KRT18: variants seen among roughly 807,000 people sequenced by gnomAD.
KRT18 encodes the protein keratin, type I cytoskeletal 18.
In KRT18, 8 loss-of-function variants were observed where a neutral mutation model predicts 39.9. The ratio of observed to expected loss-of-function variants is 0.20; its 90% CI spans 0.12 to 0.36. The LOEUF is 0.36. KRT18 is among the 10% of genes least tolerant of loss of function. The pLI is 1.00. For missense variants in KRT18, 396 were observed against 565.7 expected (o/e 0.70, Z 3.04); for synonymous variants, 194 against 227.8 (o/e 0.85, Z 1.33).
In KRT18 at chr12:52,949,317, G is replaced by C; in HGVS notation, c.144G>C (p.Val48=). The C allele has an allele frequency of 6.2e-7, 1 of 1,610,422 alleles. No homozygotes were observed. Among genetic ancestry groups the C allele is most frequent in the Non-Finnish European group, 8.5e-7 (1 of 1,179,776 alleles). ...GAGGSGSRIS[V]SRSTSFRGGM... ...GGGGCTCTGGTTCCCGGATCTCCGT[G>C]TCCCGCTCCACCAGCTTCAGGGGCG... The change falls in exon 1 of 7, where the codon GTG becomes GTC. Residue 48 remains valine, a synonymous_variant. Transcript: ENST00000388835.
chr12:52,951,347 C>T (rs1942484370), intron 3 of KRT18, 134 bp from the exon 4 acceptor site: 4 of 902,938 alleles, frequency 4.4e-6, no homozygotes, highest in Non-Finnish European at 7.4e-6. Flanking sequence ...CTGGCATTGC[C>T]CTGAGTGCAA....
intron 6 of KRT18, 122 bp downstream of exon 6, chr12:52,952,464 C>A: frequency 1.2e-6 from 1 of 809,206 alleles, no homozygotes; most frequent in Non-Finnish European, 2.1e-6. Context: ...TGGGCCGTTG[C>A]TCCGTGGGTG....
At chr12:52,951,404 A>C in intron 3 of KRT18, 77 bp from the exon 4 acceptor site, 1 of 1,396,548 alleles carries the variant, frequency 7.2e-7, no homozygotes. Flanking sequence ...GCCTCCTAGA[A>C]GAGGCAATCA....
At chr12:52,950,198 C>T (rs898607430) in intron 1 of KRT18, 130 bp from the exon 2 acceptor site, 6 of 776,664 alleles carry the variant, frequency 7.7e-6, no homozygotes, top group African/African-American at 3.4e-5. Context: ...GGATAGGTGT[C>T]CAGGGAGAGC....
chr12:52,950,349 A>G lies in KRT18; in HGVS notation c.439A>G (p.Asn147Asp). Residue 147 changes from asparagine (N) to aspartate (D), a missense_variant, in exon 2 of 7, where the codon AAT becomes GAT. Physicochemically the swap from Asn to Asp is conservative, Grantham distance 23. Coordinates refer to ENST00000388835, the MANE Select transcript of KRT18 (RefSeq NM_000224.3). ...CCAGATCTTCGCAAATACTGTGGAC[A>G]ATGCCCGCATCGTTCTGCAGATTGA... is the stretch of plus-strand genomic sequence containing the variant. ...RAQIFANTVD[N>D]ARIVLQIDNA... The G allele has an allele frequency of 6.2e-7, 1 of 1,613,322 alleles. No homozygotes were observed. The highest frequency in any genetic ancestry group is 1.7e-5 in the Admixed American group (1 of 60,022).
At chr12:52,951,891 T>C in intron 5 of KRT18, 35 bp downstream of exon 5, 1 of 1,603,576 alleles carries the variant, frequency 6.2e-7, no homozygotes, top group African/African-American at 1.3e-5. Flanking sequence ...CAGCTCCTCC[T>C]TCACTTGGCC....
upstream of KRT18, chr12:52,949,107 G>C: frequency 7.4e-7 from 1 of 1,360,128 alleles, no homozygotes; most frequent in Non-Finnish European, 1.0e-6. Flanking sequence ...CGGGTCGCGC[G>C]GCTCGCGCAG....
chr12:52,950,081 A>G (rs2120769960), intron 1 of KRT18: 1 of 632,218 alleles, frequency 1.6e-6, no homozygotes, highest in Admixed American at 2.7e-5. Flanking sequence ...ACTTCTGGGC[A>G]GGCAGGCCAG....
intron 5 of KRT18, 121 bp downstream of exon 5, chr12:52,951,977 C>T: frequency 7.2e-7 from 1 of 1,395,006 alleles, no homozygotes; most frequent in Non-Finnish European, 1.0e-6. Context: ...GAGTCAGTTT[C>T]CTCTTTGCAT....
chr12:52,949,541 T>C lies in KRT18; in HGVS notation c.368T>C (p.Val123Ala), dbSNP rs748671089. 6 of 1,519,576 alleles carry C rather than the reference T, an allele frequency of 3.9e-6. No individual in the cohort carries two copies. In the South Asian group the frequency reaches 6.8e-5, roughly 17 times the overall value. The allele number at this position is 1,519,576 out of a possible 1,614,324, so 94.1% of individuals were successfully genotyped here. A position where few individuals can be genotyped will look rare whatever the true frequency, so the allele number is the denominator to read the frequency against. ...REHLEKKGPQVRDWSHYFKII... is the reference protein window; with the variant it reads ...REHLEKKGPQARDWSHYFKII... ...CACTTGGAGAAGAAGGGACCCCAGG[T>C]CAGAGACTGGAGCCATTACTTCAAG... Residue 123 changes from valine (V) to alanine (A), a missense_variant, in exon 1 of 7, where the codon GTC becomes GCC. Val to Ala is a moderately conservative substitution (Grantham distance 64). Coordinates refer to ENST00000388835, the MANE Select transcript of KRT18 (RefSeq NM_000224.3).
intron 2 of KRT18, 51 bp downstream of exon 2, chr12:52,950,461 AT>A: frequency 7.5e-7 from 1 of 1,338,158 alleles, no homozygotes; most frequent in Non-Finnish European, 1.1e-6. Context: ...GCTAAGAAGG[AT>A]CTGCTCCCCA....
chr12:52,950,549 C>A, intron 2 of KRT18, 139 bp downstream of exon 2: 1 of 827,938 alleles, frequency 1.2e-6, no homozygotes, highest in Non-Finnish European at 2.1e-6. Context: ...TCAGTGTATT[C>A]ATTTAACTGT....
At chr12:52,951,029 CTCT>C (rs1380722685) in intron 3 of KRT18, 123 bp downstream of exon 3, 2 of 931,804 alleles carry the variant, frequency 2.1e-6, no homozygotes, top group East Asian at 2.6e-5. Context: ...GCAGCCTGGG[CTCT>C]TCTTAAATAA....
Position 52,950,790 on chromosome 12 carries a change from G to A in KRT18, c.541G>A (p.Asp181Asn), listed in dbSNP as rs1942470902. 4 of 1,611,122 alleles carry A rather than the reference G, an allele frequency of 2.5e-6. No homozygotes were observed. Among genetic ancestry groups the A allele is most frequent in the South Asian group, 1.1e-5 (1 of 90,702 alleles). ...GGCCATGCGCCAGTCTGTGGAGAAC[G>A]ACATCCATGGGCTCCGCAAGGTCAT... Reference protein sequence around the residue: ...ELAMRQSVENDIHGLRKVIDD... With the variant: ...ELAMRQSVENNIHGLRKVIDD... Residue 181 changes from aspartate to asparagine, a missense_variant, in exon 3 of 7, where the codon GAC (aspartate) becomes AAC (asparagine). Transcript: ENST00000388835.
chr12:52,949,988 G>C, intron 1 of KRT18: 5 of 611,720 alleles, frequency 8.2e-6, no homozygotes, highest in Non-Finnish European at 1.4e-5. Flanking sequence ...CCAATCCAGG[G>C]TGTAGGGGGC....
In KRT18 at chr12:52,949,281, T is replaced by C; in HGVS notation, c.108T>C (p.Tyr36=). 2 of 1,610,780 alleles carry C rather than the reference T, an allele frequency of 1.2e-6. No homozygotes were observed. Among genetic ancestry groups the C allele is most frequent in the Non-Finnish European group, 1.7e-6 (2 of 1,179,708 alleles). ...CGGTCAGCAGCGCGGCCAGCGTCTA[T>C]GCAGGCGCTGGGGGCTCTGGTTCCC... The part of the protein sequence containing the change: ...ARPVSSAASV[Y]AGAGGSGSRI... Residue 36 remains tyrosine, a synonymous_variant, in exon 1 of 7, where the codon TAT becomes TAC. Coordinates refer to ENST00000388835, the MANE Select transcript of KRT18 (RefSeq NM_000224.3).
Position 52,952,190 on chromosome 12 carries a change from G to A in KRT18, c.1020G>A (p.Gly340=). 1 of 1,589,460 alleles carries A rather than the reference G, an allele frequency of 6.3e-7. No individual in the cohort carries two copies. Among genetic ancestry groups the A allele is most frequent in the South Asian group, 1.1e-5 (1 of 87,300 alleles). Residue 340 remains glycine (G), a synonymous_variant, in exon 6 of 7, where the codon GGG becomes GGA. Coordinates refer to ENST00000388835, the MANE Select transcript of KRT18 (RefSeq NM_000224.3). ...RYALQMEQLN[G]ILLHLESELA... is the part of the protein sequence containing the mutation. ...CCCTACAGATGGAGCAGCTCAACGG[G>A]ATCCTGCTGCACCTTGAGTCAGAGC... is the stretch of plus-strand genomic sequence containing the variant.
chr12:52,949,190 G>T lies in KRT18; in HGVS notation c.17G>T (p.Arg6Leu). 1.2e-6 allele frequency: 2 copies of T among 1,611,700 alleles called. No individual in the cohort carries two copies. Among genetic ancestry groups the T allele is most frequent in the Non-Finnish European group, 1.7e-6 (2 of 1,179,794 alleles). The change falls in exon 1 of 7, where the codon CGC becomes CTC. Residue 6 changes from arginine to leucine, a missense_variant. By Grantham distance (102) the Arg-to-Leu change is moderately radical. Transcript: ENST00000388835. MSFTT[R>L]STFSTNYRSL... The stretch of plus-strand genomic sequence containing the variant: ...CCGGACAGCATGAGCTTCACCACTC[G>T]CTCCACCTTCTCCACCAACTACCGG...
chr12:52,948,858 T>A, upstream of KRT18: 1 of 420,952 alleles, frequency 2.4e-6, no homozygotes, highest in Non-Finnish European at 4.1e-6. Context: ...TAACGTCATT[T>A]CCTGCCCTGA....
Sources: gnomAD v4.1 joint callset for allele counts on GRCh38, gnomAD v4.1.1 for gene constraint, MANE v1.5 for transcripts, NCBI Gene and HGNC (gene_info 2026-07-23, HGNC 2026-07-21) for gene names.